The following C1orf216 variants were observed in gnomAD, a reference collection of about 807,000 sequenced individuals.
The protein encoded by C1orf216 is chromosome 1 open reading frame 216, also known as UPF0500 protein C1orf216.
C1orf216 carries 18 observed loss-of-function variants against 16.4 expected under a neutral mutation model. The observed-to-expected ratio is 1.10, with a 90% confidence interval of 0.76 to 1.63. The LOEUF is 1.63. Ranked by LOEUF, C1orf216 falls within the 40% of genes most tolerant of loss-of-function variation. The pLI is 0.00. For synonymous variants in C1orf216, 115 were observed against 116.9 expected (o/e 0.98, Z 0.11); for missense variants, 271 against 297.6 (o/e 0.91, Z 0.66).
rs1374251991 is a variant in C1orf216 at position 35,715,698 on chromosome 1, G to A, written c.624C>T (p.Asn208=). ...GGAGACAGCGAATAAGCTCCTTCCGGTTGTCTAGGATGGTGTCGAAGCTCT... is the reference window on the plus strand; with the variant it reads ...GGAGACAGCGAATAAGCTCCTTCCGATTGTCTAGGATGGTGTCGAAGCTCT... The part of the protein sequence containing the change: ...LQESFDTILD[N]RKELIRCLQQ... Residue 208 remains asparagine (N), a synonymous_variant, in exon 2 of 2, where the codon AAC becomes AAT. Transcript: ENST00000270815. This position sits in a 1 kb window ranked among gnomAD's most constrained non-coding sequence, Gnocchi z 4.3. 4 of 1,614,044 alleles carry A rather than the reference G, an allele frequency of 2.5e-6. No individual in the cohort carries two copies. The highest frequency in any genetic ancestry group is 2.7e-5 in the African/African-American group (2 of 74,940).
chr1:35,715,378 ACAT>A lies in C1orf216; in HGVS notation c.*251_*253del, dbSNP rs1640934133. On this transcript the variant is annotated 3_prime_UTR_variant, in exon 2 of 2. Transcript: ENST00000270815. This position sits in a 1 kb window ranked among gnomAD's most constrained non-coding sequence, Gnocchi z 4.3. Reference sequence around the variant, plus strand: ...TCATTCTTACATACTACACACACACACATATGTTCACTCTTACATGCTCACATA... The same window carrying A: ...TCATTCTTACATACTACACACACACAATGTTCACTCTTACATGCTCACATA... 2 of 541,560 alleles carry A rather than the reference ACAT, an allele frequency of 3.7e-6. No individual in the cohort carries two copies. The highest frequency in any genetic ancestry group is 1.9e-5 in the African/African-American group (1 of 52,908). 33.5% of individuals were successfully genotyped at this position (541,560 alleles called of 1,614,324 possible). A position where few individuals can be genotyped will look rare whatever the true frequency, so the allele number is the denominator to read the frequency against.
At position 35,716,047 on chromosome 1, in the gene C1orf216, C is replaced by T. The variant is rs1170541548; in HGVS notation, c.275G>A (p.Gly92Glu). 6.2e-7 allele frequency: 1 copy of T among 1,614,014 alleles called. No homozygotes were observed. The highest frequency in any genetic ancestry group is 8.5e-7 in the Non-Finnish European group (1 of 1,180,038). Residue 92 changes from glycine (G) to glutamate (E), a missense_variant, in exon 2 of 2, where the codon GGG (glycine) becomes GAG (glutamate). By Grantham distance (98) the Gly-to-Glu change is moderately conservative. Around this residue, in one of 3 missense-constraint regions of C1orf216, gnomAD observed 220 missense variants for 227.8 expected, o/e 0.97. Transcript: ENST00000270815. ...ACCACCCATCTTCTCAGGCTCAGCC[C>T]CGGGAATCTCTGCCCCCTCTGGGGG... The part of the protein sequence containing the change: ...RSPPEGAEIP[G>E]AEPEKMGGAG...
chr1:35,716,660 C>G, intron 1 of C1orf216: 1 of 308,564 alleles, frequency 3.2e-6, no homozygotes, highest in East Asian at 7.8e-5. Flanking sequence ...AGCCCAGATC[C>G]AACTGCTATC....
intron 1 of C1orf216, 65 bp downstream of exon 1, chr1:35,718,642 A>C (rs914819894): frequency 2.0e-5 from 3 of 151,534 alleles, no homozygotes. Context: ...GGCCACTGTG[A>C]CTCCCCGCTT....
intron 1 of C1orf216, 92 bp from the exon 2 acceptor site, chr1:35,716,418 C>A: frequency 8.6e-7 from 1 of 1,163,132 alleles, no homozygotes; most frequent in Non-Finnish European, 1.2e-6. Flanking sequence ...AGGCTGCAAG[C>A]AAGAGCCTGG....
Position 35,715,525 on chromosome 1 carries a change from C to A in C1orf216, c.*107G>T. The A allele has an allele frequency of 7.9e-7, 1 of 1,268,976 alleles. No individual in the cohort carries two copies. The highest frequency in any genetic ancestry group is 1.1e-6 in the Non-Finnish European group (1 of 923,510). 78.6% of individuals were successfully genotyped at this position (1,268,976 alleles called of 1,614,324 possible). ...CAGCCTACATGTTAGCACATACACA[C>A]TCATGCCTACCTGCAATCATGCCAG... On this transcript the variant is annotated 3_prime_UTR_variant, in exon 2 of 2. Coordinates refer to ENST00000270815, the MANE Select transcript of C1orf216 (RefSeq NM_152374.2). The surrounding 1 kb of genome is among the most constrained non-coding windows in gnomAD (Gnocchi z 4.3).
chr1:35,716,368 G>A, intron 1 of C1orf216, 42 bp from the exon 2 acceptor site: 4 of 1,527,906 alleles, frequency 2.6e-6, no homozygotes, highest in Non-Finnish European at 3.5e-6. Flanking sequence ...GTAGGACAGG[G>A]TGGGGTGCCT....
At position 35,715,942 on chromosome 1, in the gene C1orf216, G is replaced by C. The variant is rs1241451896; in HGVS notation, c.380C>G (p.Pro127Arg). The change falls in exon 2 of 2, where the codon CCT becomes CGT. Residue 127 changes from proline (P) to arginine (R), a missense_variant. Physicochemically the swap from Pro to Arg is moderately radical, Grantham distance 103. Transcript: ENST00000270815. This position sits in a 1 kb window ranked among gnomAD's most constrained non-coding sequence, Gnocchi z 4.3. ...SLSIDSRSSS[P>R]EPACGTPRGP... The stretch of plus-strand genomic sequence containing the variant: ...TCGCGGGGTCCCACAGGCAGGCTCA[G>C]GACTGCTGCTACGGCTGTCAATGCT... 2 of 1,614,152 alleles carry C rather than the reference G, an allele frequency of 1.2e-6. No homozygotes were observed. Among genetic ancestry groups the C allele is most frequent in the Admixed American group, 1.7e-5 (1 of 60,030 alleles).
In C1orf216 at chr1:35,715,122, C is replaced by T; in HGVS notation, c.*510G>A. ...GCAGCTGGATATGTATTTGCACACA[C>T]CTGCTCATGAGTCTGCCTACAAACA... On this transcript the variant is annotated 3_prime_UTR_variant, in exon 2 of 2. Coordinates refer to ENST00000270815, the MANE Select transcript of C1orf216 (RefSeq NM_152374.2). The surrounding 1 kb of genome is among the most constrained non-coding windows in gnomAD (Gnocchi z 4.3). The T allele has an allele frequency of 6.0e-6, 1 of 167,888 alleles. No individual in the cohort carries two copies. Among genetic ancestry groups the T allele is most frequent in the Non-Finnish European group, 1.3e-5 (1 of 76,404 alleles). 10.4% of individuals were successfully genotyped at this position (167,888 alleles called of 1,614,324 possible).
rs956785934 is a variant in C1orf216, at chr1:35,714,370, C to G, written c.*1262G>C. ...TCCCCTTCACATCCCAGAAAGCCAA[C>G]CTCTGGCTCCTCCTGACAGTCCGAC... is the stretch of plus-strand genomic sequence containing the variant. On this transcript the variant is annotated 3_prime_UTR_variant, in exon 2 of 2. Transcript: ENST00000270815. 6.6e-6 allele frequency: 1 copy of G among 152,234 alleles called. No individual in the cohort carries two copies. The highest frequency in any genetic ancestry group is 1.5e-5 in the Non-Finnish European group (1 of 68,072). 9.4% of individuals were successfully genotyped at this position (152,234 alleles called of 1,614,324 possible).
chr1:35,715,937 G>C lies in C1orf216; in HGVS notation c.385C>G (p.Pro129Ala), dbSNP rs1249856987. 2 of 1,613,974 alleles carry C rather than the reference G, an allele frequency of 1.2e-6. No individual in the cohort carries two copies. The highest frequency in any genetic ancestry group is 2.7e-5 in the African/African-American group (2 of 74,948). The change falls in exon 2 of 2, where the codon CCT becomes GCT. Residue 129 changes from proline to alanine, a missense_variant. Pro to Ala is a conservative substitution (Grantham distance 27, BLOSUM62 -1). Coordinates refer to ENST00000270815, the MANE Select transcript of C1orf216 (RefSeq NM_152374.2). This position sits in a 1 kb window ranked among gnomAD's most constrained non-coding sequence, Gnocchi z 4.3. ...SIDSRSSSPEPACGTPRGPGP... is the reference protein window; with the variant it reads ...SIDSRSSSPEAACGTPRGPGP... The stretch of plus-strand genomic sequence containing the variant: ...GGGCCTCGCGGGGTCCCACAGGCAG[G>C]CTCAGGACTGCTGCTACGGCTGTCA...
intron 1 of C1orf216, among the ~76,000 whole-genome samples, chr1:35,718,393 A>G (rs1052299719): frequency 2.0e-5 from 3 of 151,866 alleles, no homozygotes; most frequent in Admixed American, 2.0e-4. Flanking sequence ...GTGCCTAGAG[A>G]TCTCCCCTCG....
In C1orf216 at chr1:35,715,969, AG is replaced by A. The variant is rs1381508945; in HGVS notation, c.352del (p.Leu118Ter). On this transcript the variant is annotated frameshift_variant, in exon 2 of 2. Coordinates refer to ENST00000270815, the MANE Select transcript of C1orf216 (RefSeq NM_152374.2). LOFTEE classifies it high-confidence loss of function. This position sits in a 1 kb window ranked among gnomAD's most constrained non-coding sequence, Gnocchi z 4.3. ...LEDNGYASSS[L>X]SIDSRSSSPE... is the part of the protein sequence containing the mutation. ...ACTGCTGCTACGGCTGTCAATGCTC[AG>A]GGAACTGCTGGCATAGCCGTTGTCC... is the stretch of plus-strand genomic sequence containing the variant. The A allele has an allele frequency of 6.8e-6, 11 of 1,614,082 alleles. No homozygotes were observed. The highest frequency in any genetic ancestry group is 1.7e-5 in the Admixed American group (1 of 60,028).
rs933321963 is a variant in C1orf216 at position 35,718,883 on chromosome 1, G to C, written c.-182C>G. ...CGGACTGCGGAGTCAGGCGGCGTCT[G>C]CGCAGCAGGGCGGAGCGACCGGTCC... On this transcript the variant is annotated 5_prime_UTR_variant, in exon 1 of 2. Transcript: ENST00000270815. The C allele has an allele frequency of 1.3e-5, 2 of 152,252 alleles. No homozygotes were observed. The highest frequency in any genetic ancestry group is 4.8e-5 in the African/African-American group (2 of 41,462). 9.4% of individuals were successfully genotyped at this position (152,252 alleles called of 1,614,324 possible). A position where few individuals can be genotyped will look rare whatever the true frequency, so the allele number is the denominator to read the frequency against.
chr1:35,715,781 G>A lies in C1orf216; in HGVS notation c.541C>T (p.Leu181Phe). 6.2e-7 allele frequency: 1 copy of A among 1,614,226 alleles called. No homozygotes were observed. Among genetic ancestry groups the A allele is most frequent in the South Asian group, 1.1e-5 (1 of 91,088 alleles). The stretch of plus-strand genomic sequence containing the variant: ...TGCTGCAGGCCCCGGATCCACTGGA[G>A]CAGTGCCAGGCGACGGTACATCACC... Reference protein sequence around the residue: ...HLVMYRRLALLQWIRGLQHQL... With the variant: ...HLVMYRRLALFQWIRGLQHQL... The change falls in exon 2 of 2, where the codon CTC (leucine) becomes TTC (phenylalanine). Residue 181 changes from leucine to phenylalanine, a missense_variant. Transcript: ENST00000270815. The surrounding 1 kb of genome is among the most constrained non-coding windows in gnomAD (Gnocchi z 4.3).
chr1:35,716,375 G>A, intron 1 of C1orf216, 49 bp from the exon 2 acceptor site: 4 of 1,504,790 alleles, frequency 2.7e-6, no homozygotes, highest in Admixed American at 2.2e-5. Flanking sequence ...AGGGTGGGGT[G>A]CCTGAAGTCA....
intron 1 of C1orf216, among the ~76,000 whole-genome samples, chr1:35,717,567 C>T (rs1476249961): frequency 1.3e-5 from 2 of 152,138 alleles, no homozygotes; most frequent in African/African-American, 4.8e-5. Flanking sequence ...CTTGATACTG[C>T]CCCAATCAAT....
At position 35,716,113 on chromosome 1, in the gene C1orf216, G is replaced by T. The variant is rs767679074; in HGVS notation, c.209C>A (p.Ala70Asp). The change falls in exon 2 of 2, where the codon GCC becomes GAC. Residue 70 changes from alanine to aspartate, a missense_variant. By Grantham distance (126) the Ala-to-Asp change is moderately radical. This residue lies in a region of C1orf216 where 220 missense variants were observed against 227.8 expected (regional missense o/e 0.97). Coordinates refer to ENST00000270815, the MANE Select transcript of C1orf216 (RefSeq NM_152374.2). ...SSSESPSDNQ[A>D]FQAPGSPEEG... The stretch of plus-strand genomic sequence containing the variant: ...CTCAGGGGATCCAGGGGCCTGGAAG[G>T]CTTGGTTGTCAGAGGGTGACTCAGA... 5.6e-6 allele frequency: 9 copies of T among 1,614,062 alleles called. No individual in the cohort carries two copies. Among genetic ancestry groups the T allele is most frequent in the African/African-American group, 2.7e-5 (2 of 74,956 alleles).
In C1orf216 at chr1:35,718,773, C is replaced by T. The variant is rs539451912; in HGVS notation, c.-72G>A. 6.6e-6 allele frequency: 1 copy of T among 152,524 alleles called. No homozygotes were observed. Among genetic ancestry groups the T allele is most frequent in the East Asian group, 1.9e-4 (1 of 5,188 alleles). 9.4% of individuals were successfully genotyped at this position (152,524 alleles called of 1,614,324 possible). A position where few individuals can be genotyped will look rare whatever the true frequency, so the allele number is the denominator to read the frequency against. On this transcript the variant is annotated 5_prime_UTR_variant, in exon 1 of 2. Transcript: ENST00000270815. ...GCCCGGCCCTGGTGGTGTCTAGTCC[C>T]TGGGCTGGGGGTTCCTCGGCCTGGG...
Sources: allele counts gnomAD v4.1 joint callset (sites outside exome capture counted in the v4.1 genomes callset), GRCh38; gene constraint gnomAD v4.1.1; regional missense constraint gnomAD v4.1.1; non-coding constraint Gnocchi (gnomAD v3.1); transcripts MANE v1.5; gene names NCBI Gene and HGNC (gene_info 2026-07-23, HGNC 2026-07-21).